Variants in DHRSX observed in about 807,000 individuals in gnomAD.
DHRSX encodes dehydrogenase/reductase X-linked.
Under a neutral mutation model 34.0 loss-of-function variants are expected in DHRSX, and 31 were observed. That is an observed-to-expected ratio of 0.91 (90% CI 0.69 to 1.23). DHRSX has a LOEUF of 1.23. DHRSX is among the 50% of genes most tolerant of loss of function. The probability of loss-of-function intolerance (pLI) is 0.00; values close to 1 mark genes in which losing one functional copy is unlikely to be tolerated. For missense variants in DHRSX, 414 were observed against 428.1 expected (o/e 0.97, Z 0.29); for synonymous variants, 201 against 183.8 (o/e 1.09, Z -0.76).
At chrX:2,324,083 A>G (rs191811313) in intron 3 of DHRSX, among the ~76,000 whole-genome samples, 190 of 151,966 alleles carry the variant, frequency 1.3e-3, no homozygotes, top group African/African-American at 4.3e-3. Context: ...AAGATTTTGC[A>G]CAAAGTTTTA....
rs1031277612 is a variant in DHRSX at position 2,375,334 on chromosome X, C to T, written c.286+33411G>A. Among the ~76,000 whole-genome samples, 5 of 138,124 alleles carry T rather than the reference C, an allele frequency of 3.6e-5. 1 individual carries two copies. The highest frequency in any genetic ancestry group is 3.5e-3 in the Middle Eastern group (1 of 282). The allele number at this position is 138,124 out of a possible 152,430, so 90.6% of individuals were successfully genotyped here. A position where few individuals can be genotyped will look rare whatever the true frequency, so the allele number is the denominator to read the frequency against. ...AAGTGAAAGTATGGTATGCACACCG[C>T]GGCTGTGAAATGCGGTTCGTTCTTG... On this transcript the variant is annotated intron_variant, in intron 3 of 6. Transcript: ENST00000334651.
intron 4 of DHRSX, among the ~76,000 whole-genome samples, chrX:2,275,796 G>GAAAT (rs201038086): frequency 0.026 from 3,946 of 150,512 alleles, 199 homozygotes; most frequent in African/African-American, 0.091. Flanking sequence ...CTCAAAAAAG[G>GAAAT]AAATAAATAA....
intron 1 of DHRSX, among the ~76,000 whole-genome samples, chrX:2,438,676 A>AT (rs905095084): frequency 1.1e-4 from 17 of 151,394 alleles, no homozygotes; most frequent in South Asian, 2.1e-4. Flanking sequence ...TCAAAATAAA[A>AT]AAAAAAAAAA....
chrX:2,490,028 C>T (rs1256861585), intron 1 of DHRSX: 5 of 1,613,796 alleles, frequency 3.1e-6, no homozygotes, highest in Middle Eastern at 1.7e-4. Context: ...CTTCAGGCAG[C>T]GGGAGCCCAT....
intron 1 of DHRSX, among the ~76,000 whole-genome samples, chrX:2,477,853 A>G (rs2044704468): frequency 1.1e-5 from 1 of 93,500 alleles, no homozygotes; most frequent in East Asian, 2.1e-4. Context: ...ACTCCGTCTC[A>G]AAAAAAAAAA....
At chrX:2,243,317 C>T (rs1161105354) in intron 5 of DHRSX, 87 bp from the exon 6 acceptor site, 143 of 1,214,330 alleles carry the variant, frequency 1.2e-4, no homozygotes, top group Non-Finnish European at 1.6e-4. Context: ...CCTGCGGCCA[C>T]GGCCACGTCT....
At chrX:2,366,028 C>T (rs1036778106) in intron 3 of DHRSX, among the ~76,000 whole-genome samples, 2 of 152,138 alleles carry the variant, frequency 1.3e-5, no homozygotes, top group African/African-American at 2.4e-5. Context: ...ATGTCTTTCC[C>T]GAATGGGAAT....
chrX:2,300,441 G>A (rs1402724903), intron 3 of DHRSX, among the ~76,000 whole-genome samples: 4 of 152,156 alleles, frequency 2.6e-5, no homozygotes, highest in African/African-American at 9.7e-5. Context: ...ATTGATCCTG[G>A]GTGTGTCTGT....
chrX:2,226,916 C>A (rs1366238925), intron 6 of DHRSX, among the ~76,000 whole-genome samples: 1 of 152,058 alleles, frequency 6.6e-6, no homozygotes, highest in Non-Finnish European at 1.5e-5. Context: ...TTCTCAGAGT[C>A]GCTTTTGTTA....
chrX:2,485,429 C>A (rs1381309601), intron 1 of DHRSX, among the ~76,000 whole-genome samples: 3 of 149,644 alleles, frequency 2.0e-5, no homozygotes, highest in African/African-American at 7.5e-5. Context: ...AGGTGCACAT[C>A]CCGGCCTTCC....
chrX:2,346,251 T>C lies in DHRSX; in HGVS notation c.287-54648A>G, dbSNP rs1431251057. 2.3e-4 allele frequency among the ~76,000 whole-genome samples: 7 copies of C among 30,812 alleles called. No individual in the cohort carries two copies. The East Asian group carries it at 4.1e-3, about 18-fold the overall frequency. 20.2% of individuals were successfully genotyped at this position (30,812 alleles called of 152,430 possible). On this transcript the variant is annotated intron_variant, in intron 3 of 6. Coordinates refer to ENST00000334651, the MANE Select transcript of DHRSX (RefSeq NM_145177.3). Reference sequence around the variant, plus strand: ...CGCAGCTACAGAGGTGCATCTGACATGCCCGAGTTGTTATGTACCATCTTC... The same window carrying C: ...CGCAGCTACAGAGGTGCATCTGACACGCCCGAGTTGTTATGTACCATCTTC...
Position 2,490,663 on chromosome X carries a change from G to C in DHRSX, c.109+10154C>G, listed in dbSNP as rs371344033. The C allele has an allele frequency of 2.5e-6, 4 of 1,613,860 alleles. No individual in the cohort carries two copies. The African/African-American group carries it at 5.3e-5, about 22-fold the overall frequency. On this transcript the variant is annotated intron_variant, in intron 1 of 6. Coordinates refer to ENST00000334651, the MANE Select transcript of DHRSX (RefSeq NM_145177.3). The stretch of plus-strand genomic sequence containing the variant: ...ACTTCCACACCTTGCTCTTGGCGCG[G>C]GGGTGGGCCACCAGCTTCAGGTCTG...
rs1194265451 is a variant in DHRSX at position 2,419,594 on chromosome X, T to C, written c.217+5603A>G. 5.3e-5 allele frequency among the ~76,000 whole-genome samples: 8 copies of C among 151,746 alleles called. No individual in the cohort carries two copies. The East Asian group carries it at 9.7e-4, about 18-fold the overall frequency. On this transcript the variant is annotated intron_variant, in intron 2 of 6. Coordinates refer to ENST00000334651, the MANE Select transcript of DHRSX (RefSeq NM_145177.3). Reference sequence around the variant, plus strand: ...AAATGTCCAACAACGATAGACTGGATTAAGAAAATGTGGCACATATACACC... The same window carrying C: ...AAATGTCCAACAACGATAGACTGGACTAAGAAAATGTGGCACATATACACC...
chrX:2,270,135 T>C (rs974314442), intron 4 of DHRSX, among the ~76,000 whole-genome samples: 1 of 152,196 alleles, frequency 6.6e-6, no homozygotes, highest in African/African-American at 2.4e-5. Context: ...CTGTATGTTA[T>C]TTGTGCCTCG....
intron 3 of DHRSX, among the ~76,000 whole-genome samples, chrX:2,384,878 T>C (rs1376732730): frequency 6.7e-6 from 1 of 149,942 alleles, no homozygotes; most frequent in African/African-American, 2.5e-5. Context: ...ACCTGCACAA[T>C]GTGCACATGT....
intron 5 of DHRSX, among the ~76,000 whole-genome samples, chrX:2,253,948 C>T (rs1455778024): frequency 2.0e-5 from 3 of 152,160 alleles, no homozygotes; most frequent in Non-Finnish European, 4.4e-5. Flanking sequence ...GTAGTCCCAG[C>T]TACTCGGGAG....
intron 2 of DHRSX, among the ~76,000 whole-genome samples, chrX:2,420,435 A>AT (rs1358818338): frequency 3.4e-5 from 5 of 145,014 alleles, no homozygotes; most frequent in African/African-American, 1.0e-4. Context: ...AATAATAATA[A>AT]AATAATAAAA....
intron 3 of DHRSX, among the ~76,000 whole-genome samples, chrX:2,321,212 T>G (rs1306287211): frequency 6.6e-6 from 1 of 152,166 alleles, no homozygotes; most frequent in Admixed American, 6.6e-5. Flanking sequence ...CCAAAGAGCT[T>G]GATGGGCGAT....
At chrX:2,390,152 T>A (rs2124620175) in intron 3 of DHRSX, among the ~76,000 whole-genome samples, 1 of 150,770 alleles carries the variant, frequency 6.6e-6, no homozygotes, top group African/African-American at 2.4e-5. Flanking sequence ...ACCTTTTTTT[T>A]TTTTTTTTTT....
Sources: gnomAD v4.1 joint callset for allele counts (sites outside exome capture counted in the v4.1 genomes callset) on GRCh38, gnomAD v4.1.1 for gene constraint, MANE v1.5 for transcripts, NCBI Gene and HGNC (gene_info 2026-07-23, HGNC 2026-07-21) for gene names.